Variants in AFF2 observed in about 807,000 individuals in gnomAD.
The protein encoded by AFF2 is AF4/FMR2 family member 2.
Under a neutral mutation model 76.9 loss-of-function variants are expected in AFF2, and 14 were observed. The observed-to-expected ratio is 0.18, with a 90% CI of 0.12 to 0.28. The LOEUF is 0.28. Ranked by LOEUF, AFF2 falls within the 10% of genes least tolerant of loss-of-function variation. AFF2 has a pLI of 1.00. For missense variants in AFF2, 868 were observed against 1,001.1 expected, an observed-to-expected ratio of 0.87 and a Z score of 1.79; for synonymous variants, 398 against 366.7, an observed-to-expected ratio of 1.09 and a Z score of -0.98.
intron 19 of AFF2, among the ~76,000 whole-genome samples, chrX:148,984,422 G>A (rs1557291214): frequency 8.9e-6 from 1 of 111,971 alleles, no homozygotes; most frequent in Non-Finnish European, 1.9e-5. Flanking sequence ...ACAAAGAACA[G>A]GAAGGGAAAC....
intron 1 of AFF2, among the ~76,000 whole-genome samples, chrX:148,607,456 A>G (rs2053683247): frequency 9.0e-6 from 1 of 111,356 alleles, no homozygotes; most frequent in Admixed American, 9.5e-5. Flanking sequence ...CCCTGCACAC[A>G]CACTCTTGCC....
intron 3 of AFF2, among the ~76,000 whole-genome samples, chrX:148,801,536 C>T (rs12851514): frequency 0.12 from 13,238 of 111,094 alleles, 765 homozygotes; most frequent in Middle Eastern, 0.27. Context: ...TGTACCTAGG[C>T]ACTCTGCCTT....
At chrX:148,532,545 G>A (rs1361097396) in intron 1 of AFF2, among the ~76,000 whole-genome samples, 1 of 112,327 alleles carries the variant, frequency 8.9e-6, no homozygotes, top group Admixed American at 9.4e-5. Flanking sequence ...ATGAAAATAG[G>A]CATTCTTTAA....
At position 148,992,110 on chromosome X, in the gene AFF2, G is replaced by A. The variant is rs1046810330; in HGVS notation, c.*778G>A. On this transcript the variant is annotated 3_prime_UTR_variant, in exon 21 of 21. Transcript: ENST00000370460. ...TGTAAATCCTCACCTGGGGTTCTCT[G>A]TGTGCAAAGCTGTCCTTTTGAAGAA... is the stretch of plus-strand genomic sequence containing the variant. 8.9e-6 allele frequency: 1 copy of A among 111,894 alleles called. No homozygotes were observed. The highest frequency in any genetic ancestry group is 1.9e-5 in the Non-Finnish European group (1 of 53,210). 9.2% of individuals were successfully genotyped at this position (111,894 alleles called of 1,213,427 possible).
chrX:148,688,490 A>G (rs782088104), intron 3 of AFF2, among the ~76,000 whole-genome samples: 2 of 110,886 alleles, frequency 1.8e-5, no homozygotes, highest in African/African-American at 3.3e-5. Flanking sequence ...CTCACATTCT[A>G]TTTTGATTGC....
At chrX:148,538,012 G>T (rs1194416509) in intron 1 of AFF2, among the ~76,000 whole-genome samples, 1 of 112,312 alleles carries the variant, frequency 8.9e-6, no homozygotes, top group East Asian at 2.8e-4. Flanking sequence ...TTAAGAAATA[G>T]ACTCAGACGT....
At chrX:148,698,744 T>G (rs1360303648) in intron 3 of AFF2, among the ~76,000 whole-genome samples, 2 of 109,778 alleles carry the variant, frequency 1.8e-5, no homozygotes, top group East Asian at 5.7e-4. Context: ...TCTTAAGATA[T>G]AAATAAAACA....
intron 3 of AFF2, among the ~76,000 whole-genome samples, chrX:148,665,693 C>T (rs241114): frequency 0.19 from 20,548 of 110,685 alleles, 1,414 homozygotes; most frequent in Non-Finnish European, 0.2. Context: ...AAAACTCTGA[C>T]CAAGTCTGAA....
chrX:148,745,445 C>T (rs2055409064), intron 3 of AFF2, among the ~76,000 whole-genome samples: 1 of 112,029 alleles, frequency 8.9e-6, no homozygotes, highest in African/African-American at 3.2e-5. Flanking sequence ...AAGCCAAGTG[C>T]TTCTTGACTT....
intron 3 of AFF2, among the ~76,000 whole-genome samples, chrX:148,710,251 A>G: frequency 8.9e-6 from 1 of 112,007 alleles, no homozygotes; most frequent in East Asian, 2.8e-4. Context: ...CTGAAGACAA[A>G]TAAGGCTCTT....
intron 3 of AFF2, among the ~76,000 whole-genome samples, chrX:148,768,298 G>A (rs2069544169): frequency 1.8e-5 from 2 of 109,416 alleles, no homozygotes; most frequent in Admixed American, 9.9e-5. Context: ...CTGTAATATA[G>A]TGATCTCGTC....
chrX:148,864,051 G>A (rs1445866286), intron 7 of AFF2, among the ~76,000 whole-genome samples: 1 of 111,399 alleles, frequency 9.0e-6, no homozygotes, highest in East Asian at 2.8e-4. Context: ...CCCTGATGTG[G>A]CACTGCGTGT....
chrX:148,596,600 T>G (rs2053574359), intron 1 of AFF2, among the ~76,000 whole-genome samples: 1 of 112,287 alleles, frequency 8.9e-6, no homozygotes, highest in African/African-American at 3.2e-5. Flanking sequence ...TAGCCTCACT[T>G]TTTAGTATTT....
At chrX:148,535,258 A>T (rs2052771551) in intron 1 of AFF2, among the ~76,000 whole-genome samples, 1 of 112,322 alleles carries the variant, frequency 8.9e-6, no homozygotes, top group Non-Finnish European at 1.9e-5. Flanking sequence ...TGAGGCTGAC[A>T]TTTAGAAGCC....
chrX:148,912,238 G>A (rs1252159616), intron 9 of AFF2, among the ~76,000 whole-genome samples: 3 of 112,094 alleles, frequency 2.7e-5, no homozygotes, highest in Non-Finnish European at 5.6e-5. Context: ...GTGTGCCGTG[G>A]TCATTTGCTG....
chrX:148,933,072 G>A (rs1024573293), intron 9 of AFF2, among the ~76,000 whole-genome samples: 11 of 112,186 alleles, frequency 9.8e-5, no homozygotes, highest in African/African-American at 3.2e-4. Context: ...AGTTTTAAAT[G>A]GGGTTATCAG....
chrX:148,783,419 A>G (rs1557269232), intron 3 of AFF2, among the ~76,000 whole-genome samples: 2 of 111,692 alleles, frequency 1.8e-5, no homozygotes, highest in Non-Finnish European at 3.8e-5. Context: ...AGGCTGGGAA[A>G]AGGTTTATTT....
intron 3 of AFF2, among the ~76,000 whole-genome samples, chrX:148,747,782 C>A (rs2055440208): frequency 1.8e-5 from 2 of 111,899 alleles, no homozygotes; most frequent in African/African-American, 6.5e-5. Context: ...TGGTTCAATG[C>A]AAGTGATTAT....
At chrX:148,914,789 A>C (rs1192150726) in intron 9 of AFF2, among the ~76,000 whole-genome samples, 1 of 112,894 alleles carries the variant, frequency 8.9e-6, no homozygotes, top group Non-Finnish European at 1.9e-5. Flanking sequence ...GGCATGACAC[A>C]AAACACTATT....
Sources: allele counts gnomAD v4.1 joint callset (sites outside exome capture counted in the v4.1 genomes callset), GRCh38; gene constraint gnomAD v4.1.1; transcripts MANE v1.5; gene names NCBI Gene and HGNC (gene_info 2026-07-23, HGNC 2026-07-21).